JAK2: variants seen among roughly 807,000 people sequenced by gnomAD.
JAK2 encodes the protein tyrosine-protein kinase JAK2.
A neutral mutation model predicts 139.3 loss-of-function variants in JAK2; 86 were observed. The observed-to-expected ratio is 0.62, with a 90% CI of 0.52 to 0.74. JAK2 has a LOEUF of 0.74. Ranked by LOEUF, JAK2 falls within the 30% of genes least tolerant of loss-of-function variation. The pLI is 0.00. For synonymous variants in JAK2, 490 were observed against 437.7 expected (o/e 1.12, Z -1.49); for missense variants, 1,421 against 1,360.3 (o/e 1.04, Z -0.70).
chr9:5,113,199 T>TC (rs1822794998), intron 22 of JAK2, among the ~76,000 whole-genome samples: 1 of 144,742 alleles, frequency 6.9e-6, no homozygotes, highest in South Asian at 2.2e-4. Flanking sequence ...AGCTTTTTTT[T>TC]TTTTTTTTTT....
At chr9:5,050,860 T>G in intron 6 of JAK2, 29 bp downstream of exon 6, 1 of 1,562,408 alleles carries the variant, frequency 6.4e-7, no homozygotes, top group South Asian at 1.1e-5. Flanking sequence ...TCCTTACACA[T>G]AAGTGTGAGT....
intron 22 of JAK2, chr9:5,097,846 G>C (rs935635513): frequency 6.6e-6 from 1 of 152,170 alleles, no homozygotes; most frequent in Non-Finnish European, 1.5e-5. Flanking sequence ...CTTTACCACT[G>C]GTTCCCCCAT....
intron 2 of JAK2, among the ~76,000 whole-genome samples, chr9:5,013,511 T>C (rs912025747): frequency 6.6e-6 from 1 of 152,212 alleles, no homozygotes. Context: ...TGTGGAAAAG[T>C]TGAGAAGCAC....
intron 22 of JAK2, 68 bp downstream of exon 22, chr9:5,090,979 A>T: frequency 8.9e-7 from 1 of 1,129,860 alleles, no homozygotes; most frequent in Non-Finnish European, 1.3e-6. Flanking sequence ...GTTGTTATTT[A>T]ATAGTTTGCC....
At chr9:5,017,782 T>A (rs1822169849) in intron 2 of JAK2, among the ~76,000 whole-genome samples, 1 of 152,232 alleles carries the variant, frequency 6.6e-6, no homozygotes, top group Non-Finnish European at 1.5e-5. Flanking sequence ...GTTTTATATC[T>A]GTTACAGTAA....
In JAK2 at chr9:5,107,951, T is replaced by C. The variant is rs531591416; in HGVS notation, c.3060-15053T>C. The C allele has an allele frequency of 3.9e-5, 6 of 152,272 alleles. No homozygotes were observed. In the East Asian group the frequency reaches 1.2e-3, roughly 29 times the overall value. 9.4% of individuals were successfully genotyped at this position (152,272 alleles called of 1,614,324 possible). A position where few individuals can be genotyped will look rare whatever the true frequency, so the allele number is the denominator to read the frequency against. On this transcript the variant is annotated intron_variant, in intron 22 of 24. Coordinates refer to ENST00000381652, the MANE Select transcript of JAK2 (RefSeq NM_004972.4). ...GTGCTAAAAATTATTCCGACAATTATGCTGTTACCAATAATATGATTCTCT... is the reference window on the plus strand; with the variant it reads ...GTGCTAAAAATTATTCCGACAATTACGCTGTTACCAATAATATGATTCTCT...
intron 4 of JAK2, among the ~76,000 whole-genome samples, chr9:5,043,480 A>G (rs900428034): frequency 2.6e-5 from 4 of 152,232 alleles, no homozygotes; most frequent in African/African-American, 9.6e-5. Flanking sequence ...ACTAATTTGG[A>G]TGCAGTATAT....
At chr9:5,123,149 T>G (rs1010569528) in intron 23 of JAK2, 28 bp downstream of exon 23, 3 of 1,454,036 alleles carry the variant, frequency 2.1e-6, no homozygotes, top group Non-Finnish European at 9.5e-7. Context: ...TTACTTTCAG[T>G]TTTTTGTTTG....
chr9:5,010,570 C>T (rs1439024879), intron 2 of JAK2, among the ~76,000 whole-genome samples: 1 of 152,178 alleles, frequency 6.6e-6, no homozygotes, highest in Non-Finnish European at 1.5e-5. Flanking sequence ...ATTCACCCGC[C>T]TCGGCCTCCC....
At chr9:5,040,662 G>C (rs949900843) in intron 4 of JAK2, among the ~76,000 whole-genome samples, 20 of 152,390 alleles carry the variant, frequency 1.3e-4, no homozygotes, top group African/African-American at 4.8e-4. Flanking sequence ...GACTTGGATA[G>C]ACATTTTTCC....
intron 12 of JAK2, among the ~76,000 whole-genome samples, chr9:5,071,102 G>A (rs1412920542): frequency 6.6e-6 from 1 of 152,122 alleles, no homozygotes; most frequent in Non-Finnish European, 1.5e-5. Context: ...TTTGGAATTT[G>A]GGCTTCATTA....
chr9:5,083,518 G>T (rs983173963), intron 19 of JAK2, among the ~76,000 whole-genome samples: 6 of 152,114 alleles, frequency 3.9e-5, no homozygotes, highest in Non-Finnish European at 5.9e-5. Flanking sequence ...AGCATTTATT[G>T]TTTCTTTTAT....
chr9:5,055,992 G>A (rs1427597044), intron 8 of JAK2, among the ~76,000 whole-genome samples: 6 of 151,852 alleles, frequency 4.0e-5, no homozygotes, highest in Non-Finnish European at 8.8e-5. Context: ...AGAGTTTCTT[G>A]TACATTACTG....
chr9:5,070,079 CTTTT>C, intron 12 of JAK2, 27 bp downstream of exon 12: 2 of 1,517,770 alleles, frequency 1.3e-6, no homozygotes, highest in Non-Finnish European at 1.8e-6. Flanking sequence ...TCATTACTGT[CTTTT>C]TTGTCCTTTT....
chr9:5,027,287 T>C (rs1822841271), intron 3 of JAK2, among the ~76,000 whole-genome samples: 1 of 152,270 alleles, frequency 6.6e-6, no homozygotes, highest in Admixed American at 6.5e-5. Flanking sequence ...CATGAAGTTT[T>C]AGGTTTCCCA....
chr9:5,084,870 C>G, intron 19 of JAK2: 1 of 387,656 alleles, frequency 2.6e-6, no homozygotes. Flanking sequence ...AACAAATTGC[C>G]CATCAATAAG....
At chr9:5,031,160 C>G (rs1450406382) in intron 4 of JAK2, among the ~76,000 whole-genome samples, 1 of 152,136 alleles carries the variant, frequency 6.6e-6, no homozygotes, top group Admixed American at 6.5e-5. Context: ...ATATCCTTAG[C>G]TCTAAGCCAA....
chr9:5,115,903 G>C (rs921992843), intron 22 of JAK2, among the ~76,000 whole-genome samples: 6 of 152,284 alleles, frequency 3.9e-5, no homozygotes, highest in Non-Finnish European at 8.8e-5. Context: ...ACCAGGGCCT[G>C]TTGTTGGGTG....
intron 3 of JAK2, among the ~76,000 whole-genome samples, chr9:5,024,526 TCTTTTCTTCTAAGTTCTGTTC>T (rs1822651069): frequency 6.6e-6 from 1 of 151,980 alleles, no homozygotes; most frequent in Non-Finnish European, 1.5e-5. Flanking sequence ...AAGCTTAGGG[TCTTTTCTTCTAAGTTCTGTTC>T]CTTGGGCATG....
Sources: allele counts gnomAD v4.1 joint callset (sites outside exome capture counted in the v4.1 genomes callset), GRCh38; gene constraint gnomAD v4.1.1; transcripts MANE v1.5; gene names NCBI Gene and HGNC (gene_info 2026-07-23, HGNC 2026-07-21).